Variants in MBNL1 observed in about 807,000 individuals in gnomAD.
MBNL1 encodes the protein muscleblind-like protein 1.
MBNL1 carries 8 observed loss-of-function variants against 42.2 expected under a neutral mutation model. The observed-to-expected ratio is 0.19, with a 90% CI of 0.11 to 0.34. MBNL1 has a LOEUF of 0.34. MBNL1 is among the 10% of genes least tolerant of loss of function. MBNL1 has a pLI of 1.00. For synonymous variants in MBNL1, 169 were observed against 173.9 expected (o/e 0.97, Z 0.22); for missense variants, 309 against 495.3 (o/e 0.62, Z 3.57).
chr3:152,356,910 C>T (rs977628327), intron 2 of MBNL1, among the ~76,000 whole-genome samples: 1 of 149,676 alleles, frequency 6.7e-6, no homozygotes, highest in African/African-American at 2.5e-5. Context: ...TATCTTAATG[C>T]AAAATCATGT....
At chr3:152,288,035 G>A (rs964924971) in intron 1 of MBNL1, among the ~76,000 whole-genome samples, 7 of 151,970 alleles carry the variant, frequency 4.6e-5, no homozygotes, top group Non-Finnish European at 7.4e-5. Context: ...TTTTGATCTC[G>A]TCTCCCAAGA....
At chr3:152,292,140 T>C (rs560623574) in intron 1 of MBNL1, among the ~76,000 whole-genome samples, 5 of 152,320 alleles carry the variant, frequency 3.3e-5, no homozygotes, top group African/African-American at 1.2e-4. Context: ...CGAAGGCCTA[T>C]TGGGGTATAG....
chr3:152,456,696 G>C lies in MBNL1; in HGVS notation c.1092+335G>C, dbSNP rs546059436. ...GTATTTTGACCAATCAAAAATAGAG[G>C]CCATTTTAAGGTTTTTATTTAAAAT... On this transcript the variant is annotated intron_variant, in intron 8 of 9. Transcript: ENST00000324210. Among the ~76,000 whole-genome samples the C allele has an allele frequency of 9.9e-5, 15 of 152,144 alleles. No homozygotes were observed. The South Asian group carries it at 2.9e-3, about 29-fold the overall frequency.
rs2094711791 is a variant in MBNL1, at chr3:152,349,683, C to T, written c.174+49316C>T. 3.9e-5 allele frequency among the ~76,000 whole-genome samples: 6 copies of T among 151,958 alleles called. No homozygotes were observed. In the South Asian group the frequency reaches 1.2e-3, roughly 32 times the overall value. On this transcript the variant is annotated intron_variant, in intron 2 of 9. Coordinates refer to ENST00000324210, the MANE Select transcript of MBNL1 (RefSeq NM_021038.5). ...CATCTTAAACAATAAAATTACATAG[C>T]CCACTCAAAGATATTTCAGGAAAAT...
At chr3:152,323,570 A>G (rs2077653408) in intron 2 of MBNL1, among the ~76,000 whole-genome samples, 2 of 152,108 alleles carry the variant, frequency 1.3e-5, no homozygotes, top group Non-Finnish European at 2.9e-5. Flanking sequence ...ACAAACCTAA[A>G]TGGTATAGCC....
intron 2 of MBNL1, among the ~76,000 whole-genome samples, chr3:152,356,696 C>T (rs2095542383): frequency 6.6e-6 from 1 of 152,162 alleles, no homozygotes; most frequent in Admixed American, 6.5e-5. Flanking sequence ...TCTCGAACTC[C>T]TGACCTCATG....
chr3:152,443,507 C>CACACACACACACACACACAA (rs1475590796), intron 4 of MBNL1, among the ~76,000 whole-genome samples: 4 of 151,734 alleles, frequency 2.6e-5, no homozygotes, highest in Non-Finnish European at 5.9e-5. Context: ...CACACACACA[C>CACACACACACACACACACAA]AACTTTTTAT....
At chr3:152,406,056 A>T (rs2098419279) in intron 2 of MBNL1, among the ~76,000 whole-genome samples, 1 of 152,212 alleles carries the variant, frequency 6.6e-6, no homozygotes, top group South Asian at 2.1e-4. Context: ...GTGTTCAATG[A>T]TGCTGGCACC....
At position 152,411,409 on chromosome 3, in the gene MBNL1, A is replaced by G. The variant is rs1023772913; in HGVS notation, c.175-3532A>G. Among the ~76,000 whole-genome samples, 4 of 152,230 alleles carry G rather than the reference A, an allele frequency of 2.6e-5. No homozygotes were observed. The East Asian group carries it at 7.7e-4, about 29-fold the overall frequency. On this transcript the variant is annotated intron_variant, in intron 2 of 9. Transcript: ENST00000324210. ...TTGGCGGGCACCTGTAGTCCCAGCT[A>G]CTCGGGAGGCTGAGAAAGGAGAATG...
At chr3:152,397,949 A>G (rs940887435) in intron 2 of MBNL1, among the ~76,000 whole-genome samples, 1 of 152,212 alleles carries the variant, frequency 6.6e-6, no homozygotes, top group South Asian at 2.1e-4. Flanking sequence ...TTATTATTTA[A>G]AACAAATTCA....
intron 1 of MBNL1, among the ~76,000 whole-genome samples, chr3:152,270,274 A>G (rs932785225): frequency 1.3e-5 from 2 of 152,196 alleles, no homozygotes; most frequent in Admixed American, 6.5e-5. Context: ...ACTCTGCCAT[A>G]TACTCTGAGG....
intron 1 of MBNL1, among the ~76,000 whole-genome samples, chr3:152,273,333 C>T (rs961517928): frequency 1.3e-5 from 2 of 151,806 alleles, no homozygotes; most frequent in Non-Finnish European, 2.9e-5. Context: ...AAAAAATAAA[C>T]GTTTATATAA....
At chr3:152,424,620 C>G (rs567726893) in intron 3 of MBNL1, among the ~76,000 whole-genome samples, 1 of 150,860 alleles carries the variant, frequency 6.6e-6, no homozygotes, top group Non-Finnish European at 1.5e-5. Context: ...CCTGTATAGC[C>G]AAGACAATCC....
At chr3:152,367,347 G>A (rs925553258) in intron 2 of MBNL1, among the ~76,000 whole-genome samples, 3 of 152,238 alleles carry the variant, frequency 2.0e-5, no homozygotes, top group Middle Eastern at 3.4e-3. Context: ...TCCCTGCAAA[G>A]GATATGAAGT....
chr3:152,366,833 CAA>C (rs1427718942), intron 2 of MBNL1, among the ~76,000 whole-genome samples: 3 of 152,066 alleles, frequency 2.0e-5, no homozygotes, highest in Non-Finnish European at 4.4e-5. Flanking sequence ...TGAATAAAGA[CAA>C]ATTTTCTTTA....
intron 3 of MBNL1, among the ~76,000 whole-genome samples, chr3:152,422,235 G>T (rs1429031190): frequency 1.4e-5 from 2 of 146,572 alleles, no homozygotes; most frequent in East Asian, 3.9e-4. Context: ...GAAAATAAAG[G>T]GATGGAGGAA....
chr3:152,332,745 C>T (rs528573454), intron 2 of MBNL1, among the ~76,000 whole-genome samples: 3,080 of 147,316 alleles, frequency 0.021, 94 homozygotes, highest in African/African-American at 0.064. Context: ...TGTGTGCGCG[C>T]GCGCATGCGC....
rs571002817 is a variant in MBNL1 at position 152,356,803 on chromosome 3, A to C, written c.174+56436A>C. Among the ~76,000 whole-genome samples the C allele has an allele frequency of 2.0e-5, 3 of 151,968 alleles. No homozygotes were observed. The East Asian group carries it at 5.8e-4, about 29-fold the overall frequency. On this transcript the variant is annotated intron_variant, in intron 2 of 9. Coordinates refer to ENST00000324210, the MANE Select transcript of MBNL1 (RefSeq NM_021038.5). ...GCTTTTTCTTTTTTAAAATGATAAA[A>C]AATACAGTTACTTTTATTCTGTATT...
At position 152,386,773 on chromosome 3, in the gene MBNL1, G is replaced by GA. The variant is rs568770046; in HGVS notation, c.175-28161dup. 3.1e-3 allele frequency among the ~76,000 whole-genome samples: 468 copies of GA among 151,970 alleles called. 7 individuals carry two copies. Among genetic ancestry groups the GA allele is most frequent in the Non-Finnish European group, 5.3e-3 (357 of 67,912 alleles). The stretch of plus-strand genomic sequence containing the variant: ...TTACCTGGCAGGAAAAAAAAAGTTT[G>GA]AAAAAAACACTAAAATCCTTTTAGG... On this transcript the variant is annotated intron_variant, in intron 2 of 9. Transcript: ENST00000324210.
Sources: gnomAD v4.1 joint callset for allele counts (sites outside exome capture counted in the v4.1 genomes callset) on GRCh38, gnomAD v4.1.1 for gene constraint, MANE v1.5 for transcripts, NCBI Gene and HGNC (gene_info 2026-07-23, HGNC 2026-07-21) for gene names.